The following PACSIN2 variants were observed in gnomAD, a reference collection of about 807,000 sequenced individuals.
The protein encoded by PACSIN2 is protein kinase C and casein kinase substrate in neurons protein 2.
PACSIN2 carries 25 observed loss-of-function variants against 63.8 expected under a neutral mutation model. That is an observed-to-expected ratio of 0.39 (90% confidence interval 0.29 to 0.55). The LOEUF (loss-of-function observed/expected upper bound fraction) is 0.55. Among genes scored for constraint, PACSIN2 ranks in the 20% least tolerant of loss-of-function variants. The probability of loss-of-function intolerance (pLI) is 0.62; values close to 1 mark genes in which losing one functional copy is unlikely to be tolerated. For synonymous variants in PACSIN2, 255 were observed against 256.2 expected, an observed-to-expected ratio of 1.00 and a Z score of 0.05; for missense variants, 518 against 646.9, an observed-to-expected ratio of 0.80 and a Z score of 2.16.
chr22:42,892,325 AG>A (rs992894525), intron 3 of PACSIN2, among the ~76,000 whole-genome samples: 1 of 152,050 alleles, frequency 6.6e-6, no homozygotes, highest in Non-Finnish European at 1.5e-5. Flanking sequence ...GGCTGAGGGG[AG>A]GGCAGGCTGT....
At chr22:42,972,272 C>T (rs921911131) in intron 1 of PACSIN2, among the ~76,000 whole-genome samples, 1 of 152,134 alleles carries the variant, frequency 6.6e-6, no homozygotes, top group Non-Finnish European at 1.5e-5. Flanking sequence ...AAGGGCGGTG[C>T]ACGATGTGCT....
chr22:42,874,464 C>T (rs1213650364), intron 10 of PACSIN2, among the ~76,000 whole-genome samples: 2 of 152,304 alleles, frequency 1.3e-5, no homozygotes, highest in African/African-American at 2.4e-5. Flanking sequence ...CCTAGCAACA[C>T]AGATATGTGT....
chr22:43,010,054 G>A (rs936257744), intron 1 of PACSIN2, among the ~76,000 whole-genome samples: 1 of 151,658 alleles, frequency 6.6e-6, no homozygotes, highest in Non-Finnish European at 1.5e-5. Flanking sequence ...ATTTTCAGCA[G>A]AGATGGGGTT....
chr22:43,010,891 T>C (rs569459384), intron 1 of PACSIN2, among the ~76,000 whole-genome samples: 1 of 152,372 alleles, frequency 6.6e-6, no homozygotes, highest in East Asian at 1.9e-4. Context: ...TTGTTTTATG[T>C]GTGCTTTTCA....
At chr22:42,984,241 G>A (rs2146891862) in intron 1 of PACSIN2, among the ~76,000 whole-genome samples, 1 of 151,990 alleles carries the variant, frequency 6.6e-6, no homozygotes, top group South Asian at 2.1e-4. Flanking sequence ...CACAGTGCTG[G>A]GATTACAGGT....
intron 1 of PACSIN2, among the ~76,000 whole-genome samples, chr22:42,965,743 GATGA>G (rs1920948013): frequency 6.6e-6 from 1 of 152,158 alleles, no homozygotes; most frequent in Non-Finnish European, 1.5e-5. Context: ...CTAGCACCGC[GATGA>G]AAGGCATGAC....
chr22:43,010,398 A>ATATATATATATATTTTTTTTT, intron 1 of PACSIN2, among the ~76,000 whole-genome samples: 1,614 of 126,244 alleles, frequency 0.013, 45 homozygotes, highest in Non-Finnish European at 0.02. Context: ...ATATATATAT[A>ATATATATATATATTTTTTTTT]TTTTTTTTTA....
Position 42,879,184 on chromosome 22 carries a change from C to T in PACSIN2, c.907-15G>A, listed in dbSNP as rs1300106192. 1 of 1,610,078 alleles carries T rather than the reference C, an allele frequency of 6.2e-7. No homozygotes were observed. Among genetic ancestry groups the T allele is most frequent in the Non-Finnish European group, 8.5e-7 (1 of 1,177,986 alleles). On this transcript the variant is annotated splice_polypyrimidine_tract_variant and intron_variant, in intron 7 of 10. Coordinates refer to ENST00000263246, the MANE Select transcript of PACSIN2 (RefSeq NM_001184970.3). ...GCGGACCACTCCTAGGCAACAGGTG[C>T]CGAGGGAGAGAAACCAAAGGTTCAC...
At chr22:42,913,234 C>G (rs1931578036) in intron 1 of PACSIN2, among the ~76,000 whole-genome samples, 1 of 152,210 alleles carries the variant, frequency 6.6e-6, no homozygotes, top group African/African-American at 2.4e-5. Flanking sequence ...AATCCCAGCA[C>G]TTTGGGAGGC....
intron 1 of PACSIN2, among the ~76,000 whole-genome samples, chr22:42,950,193 A>G (rs1933618541): frequency 6.6e-6 from 1 of 152,032 alleles, no homozygotes; most frequent in African/African-American, 2.4e-5. Flanking sequence ...TTTATATTCT[A>G]TTAGGTATTA....
At chr22:42,891,939 G>A (rs892228481) in intron 3 of PACSIN2, among the ~76,000 whole-genome samples, 6 of 152,218 alleles carry the variant, frequency 3.9e-5, no homozygotes, top group African/African-American at 1.4e-4. Flanking sequence ...CTGCAGGACT[G>A]TGTTCATTCA....
Position 42,877,006 on chromosome 22 carries a change from G to T in PACSIN2, c.1033C>A (p.Leu345Ile). 6.2e-7 allele frequency: 1 copy of T among 1,614,126 alleles called. No homozygotes were observed. The highest frequency in any genetic ancestry group is 8.5e-7 in the Non-Finnish European group (1 of 1,179,992). The part of the protein sequence containing the change: ...QSLPSKPSST[L>I]NVPSNPAQSA... The stretch of plus-strand genomic sequence containing the variant: ...TGGGCGGGGTTGCTCGGGACATTAA[G>T]GGTGCTATGGAGAGAGAGAGCTTTC... The change falls in exon 9 of 11, where the codon CTT becomes ATT. Residue 345 changes from leucine (L) to isoleucine (I), a missense_variant. By Grantham distance (5) the Leu-to-Ile change is conservative. Around this residue, in one of 2 missense-constraint regions of PACSIN2, gnomAD observed 507 missense variants for 612.3 expected, o/e 0.83. Transcript: ENST00000263246.
chr22:42,933,131 T>TA (rs1932816632), intron 1 of PACSIN2, among the ~76,000 whole-genome samples: 1 of 152,236 alleles, frequency 6.6e-6, no homozygotes, highest in Non-Finnish European at 1.5e-5. Context: ...AGTCTATTAT[T>TA]ATCTTTATGT....
chr22:42,920,289 G>A (rs1932100754), intron 1 of PACSIN2, among the ~76,000 whole-genome samples: 1 of 152,136 alleles, frequency 6.6e-6, no homozygotes, highest in African/African-American at 2.4e-5. Context: ...TACCCTGGGT[G>A]CCATGCAAGA....
intron 1 of PACSIN2, among the ~76,000 whole-genome samples, chr22:42,912,636 G>A (rs1931537843): frequency 6.6e-6 from 1 of 152,220 alleles, no homozygotes; most frequent in Admixed American, 6.5e-5. Flanking sequence ...GTGTGGCTCA[G>A]CTGGAAAGCT....
chr22:42,899,276 A>G (rs575525343), intron 2 of PACSIN2, among the ~76,000 whole-genome samples: 184 of 152,304 alleles, frequency 1.2e-3, no homozygotes, highest in Non-Finnish European at 1.9e-3. Flanking sequence ...ATGGCTCCTT[A>G]AACAAAATTT....
At chr22:42,933,533 G>A (rs1000551280) in intron 1 of PACSIN2, among the ~76,000 whole-genome samples, 6 of 152,214 alleles carry the variant, frequency 3.9e-5, no homozygotes, top group African/African-American at 1.4e-4. Context: ...TGGTCTGTTA[G>A]ATGTCTAGAC....
chr22:43,010,653 T>C (rs1601626732), intron 1 of PACSIN2, among the ~76,000 whole-genome samples: 2 of 151,914 alleles, frequency 1.3e-5, no homozygotes. Flanking sequence ...CAGCCTGCAG[T>C]GAGCCAAGAT....
rs1292922248 is a variant in PACSIN2 at position 42,871,251 on chromosome 22, C to G, written c.*106G>C. ...TCCAGGAACACCATGAAGCCAAGAG[C>G]AATGGAACCATCATCTCTTGCAGGA... On this transcript the variant is annotated 3_prime_UTR_variant, in exon 11 of 11. Transcript: ENST00000263246. This position sits in a 1 kb window ranked among gnomAD's most constrained non-coding sequence, Gnocchi z 5.4. 2 of 733,110 alleles carry G rather than the reference C, an allele frequency of 2.7e-6. No homozygotes were observed. The highest frequency in any genetic ancestry group is 4.9e-6 in the Non-Finnish European group (2 of 407,824). 45.4% of individuals were successfully genotyped at this position (733,110 alleles called of 1,614,324 possible).
Sources: gnomAD v4.1 joint callset for allele counts (sites outside exome capture counted in the v4.1 genomes callset) on GRCh38, gnomAD v4.1.1 for gene constraint, gnomAD v4.1.1 regional missense constraint, Gnocchi (gnomAD v3.1) non-coding constraint, MANE v1.5 for transcripts, NCBI Gene and HGNC (gene_info 2026-07-23, HGNC 2026-07-21) for gene names.